The following ANKRD42 variants were observed in gnomAD, a reference collection of about 807,000 sequenced individuals.
ANKRD42 encodes ankyrin repeat domain 42.
ANKRD42 carries 43 observed loss-of-function variants against 51.5 expected under a neutral mutation model. That is an observed-to-expected ratio of 0.83 (90% confidence interval 0.65 to 1.08). ANKRD42 has a LOEUF of 1.08. ANKRD42 is among the 50% of genes least tolerant of loss of function. ANKRD42 has a pLI of 0.00. For synonymous variants in ANKRD42, 203 were observed against 213.0 expected (o/e 0.95, Z 0.41); for missense variants, 608 against 629.3 (o/e 0.97, Z 0.36).
At chr11:83,246,657 C>T (rs1222375503) in intron 10 of ANKRD42, among the ~76,000 whole-genome samples, 1 of 152,144 alleles carries the variant, frequency 6.6e-6, no homozygotes, top group African/African-American at 2.4e-5. Context: ...CTGCCTTTTC[C>T]TTTGGTCGTG....
intron 1 of ANKRD42, among the ~76,000 whole-genome samples, chr11:83,196,757 A>T (rs184360765): frequency 6.6e-6 from 1 of 152,178 alleles, no homozygotes; most frequent in Non-Finnish European, 1.5e-5. Context: ...GAGTAGATGG[A>T]TGAGTGGATG....
rs1177153091 is a variant in ANKRD42, at chr11:83,245,619, T to G, written c.1317T>G (p.Ser439=). ...AGCAGAAGAAAGAACAGCTTGAGTC[T>G]GAAAAGTAATGTCCTTAAAACTTTA... The part of the protein sequence containing the change: ...DLKQKKEQLE[S]EKTIKELQGQ... The change falls in exon 10 of 11, where the codon TCT becomes TCG. Residue 439 remains serine (S), a synonymous_variant. Transcript: ENST00000533342. The G allele has an allele frequency of 5.2e-6, 8 of 1,534,950 alleles. No individual in the cohort carries two copies. The highest frequency in any genetic ancestry group is 6.1e-6 in the Non-Finnish European group (7 of 1,146,534).
At chr11:83,206,032 A>G (rs1396275321) in intron 2 of ANKRD42, 26 bp from the exon 3 acceptor site, 4 of 1,575,620 alleles carry the variant, frequency 2.5e-6, no homozygotes, top group Non-Finnish European at 2.6e-6. Context: ...CCACTTTATC[A>G]CTTGTTAACA....
intron 5 of ANKRD42, among the ~76,000 whole-genome samples, chr11:83,217,507 G>A (rs1191996364): frequency 1.3e-5 from 2 of 152,202 alleles, no homozygotes; most frequent in African/African-American, 4.8e-5. Context: ...ACAGTCATCC[G>A]AGGCAGGAGA....
intron 5 of ANKRD42, 34 bp downstream of exon 5, chr11:83,211,464 A>G (rs1274159206): frequency 6.2e-7 from 1 of 1,603,980 alleles, no homozygotes. Flanking sequence ...TTAGTTTTTC[A>G]TTGATGTAAA....
intron 8 of ANKRD42, among the ~76,000 whole-genome samples, chr11:83,238,735 C>T (rs1156632679): frequency 3.3e-5 from 5 of 151,716 alleles, no homozygotes; most frequent in Non-Finnish European, 5.9e-5. Flanking sequence ...GAGGTTGAGG[C>T]AGGAGAATTC....
At chr11:83,213,097 T>G (rs768344073) in intron 5 of ANKRD42, 194 of 1,601,090 alleles carry the variant, frequency 1.2e-4, no homozygotes, top group Non-Finnish European at 1.6e-4. Flanking sequence ...ATGTCAAAAT[T>G]AAGTGTAACT....
At chr11:83,197,914 C>T (rs756414206) in intron 1 of ANKRD42, among the ~76,000 whole-genome samples, 5 of 152,132 alleles carry the variant, frequency 3.3e-5, no homozygotes, top group Non-Finnish European at 7.4e-5. Flanking sequence ...TTATGGAGAA[C>T]AACACATGGG....
At chr11:83,197,853 C>T (rs752766481) in intron 1 of ANKRD42, among the ~76,000 whole-genome samples, 10 of 152,242 alleles carry the variant, frequency 6.6e-5, no homozygotes, top group Admixed American at 2.0e-4. Context: ...AATATATTTG[C>T]ATGTATGAGA....
chr11:83,227,140 G>A (rs1862911014), intron 6 of ANKRD42, among the ~76,000 whole-genome samples: 1 of 152,044 alleles, frequency 6.6e-6, no homozygotes, highest in African/African-American at 2.4e-5. Context: ...GAACAAGTGT[G>A]TCTTTATTTA....
rs752861796 is a variant in ANKRD42 at position 83,194,741 on chromosome 11, G to C, written c.58+13G>C. On this transcript the variant is annotated intron_variant, in intron 1 of 10. Transcript: ENST00000533342. ...ACTGCAAACCCCTGTGAGTCAGACT[G>C]TCATTGGCCTTCATCTCTGTCGTAT... The C allele has an allele frequency of 6.4e-7, 1 of 1,571,210 alleles. No individual in the cohort carries two copies. The highest frequency in any genetic ancestry group is 8.6e-7 in the Non-Finnish European group (1 of 1,159,916).
At chr11:83,200,219 A>C (rs665714) in intron 2 of ANKRD42, among the ~76,000 whole-genome samples, 45,735 of 151,514 alleles carry the variant, frequency 0.3, 7,864 homozygotes, top group East Asian at 0.58. Context: ...TACTACTCTC[A>C]CTCAGTCTAC....
At chr11:83,209,404 G>T (rs767076227) in intron 3 of ANKRD42, 2 of 1,573,950 alleles carry the variant, frequency 1.3e-6, no homozygotes, top group African/African-American at 2.7e-5. Context: ...CGATCATGTC[G>T]CACAAACAAA....
chr11:83,203,730 G>A (rs767226094), intron 2 of ANKRD42, among the ~76,000 whole-genome samples: 14 of 152,044 alleles, frequency 9.2e-5, no homozygotes, highest in Non-Finnish European at 1.5e-4. Flanking sequence ...CACCTTTACA[G>A]TTTTTTAACC....
intron 5 of ANKRD42, among the ~76,000 whole-genome samples, chr11:83,221,777 G>A (rs1178053079): frequency 1.3e-5 from 2 of 152,168 alleles, no homozygotes; most frequent in Non-Finnish European, 2.9e-5. Context: ...TGGTGATGCT[G>A]AACAGCCACT....
At chr11:83,250,068 T>G (rs938071308), downstream of ANKRD42, among the ~76,000 whole-genome samples, 7 of 152,030 alleles carry the variant, frequency 4.6e-5, no homozygotes, top group Non-Finnish European at 1.5e-5. Flanking sequence ...CAGCTAAGGA[T>G]AGGAAGAATT....
chr11:83,246,142 C>T (rs182334772), intron 10 of ANKRD42, among the ~76,000 whole-genome samples: 12 of 152,278 alleles, frequency 7.9e-5, no homozygotes, highest in African/African-American at 2.2e-4. Context: ...TATCTGTGGG[C>T]TCCACATCAT....
Position 83,236,524 on chromosome 11 carries a change from C to G in ANKRD42, c.1019+15C>G. ...GTGGCAAAGAGGTATAAATCTCTGT[C>G]TTCTTTACTCCTTTCTTTTCTCTTT... On this transcript the variant is annotated intron_variant, in intron 8 of 10. Transcript: ENST00000533342. The G allele has an allele frequency of 6.4e-7, 1 of 1,568,422 alleles. No homozygotes were observed. The highest frequency in any genetic ancestry group is 8.7e-7 in the Non-Finnish European group (1 of 1,152,770).
At chr11:83,200,894 T>G (rs1861843069) in intron 2 of ANKRD42, among the ~76,000 whole-genome samples, 1 of 152,228 alleles carries the variant, frequency 6.6e-6, no homozygotes, top group Admixed American at 6.5e-5. Flanking sequence ...CATAATTGTT[T>G]TATGCTATAG....
Sources: gnomAD v4.1 joint callset for allele counts (sites outside exome capture counted in the v4.1 genomes callset) on GRCh38, gnomAD v4.1.1 for gene constraint, MANE v1.5 for transcripts, NCBI Gene and HGNC (gene_info 2026-07-23, HGNC 2026-07-21) for gene names.